The following WWOX variants were observed in gnomAD, a reference collection of about 807,000 sequenced individuals.
WWOX encodes the protein WW domain containing oxidoreductase.
WWOX carries 69 observed loss-of-function variants against 46.2 expected under a neutral mutation model. That is an observed-to-expected ratio of 1.49 (90% CI 1.23 to 1.82). WWOX has a LOEUF of 1.82. Ranked by LOEUF, WWOX falls within the 40% of genes most tolerant of loss-of-function variation. The probability of loss-of-function intolerance (pLI) is 0.00; values close to 1 mark genes in which losing one functional copy is unlikely to be tolerated. For missense variants in WWOX, 919 were observed against 542.6 expected (o/e 1.69, Z -6.89); for synonymous variants, 359 against 202.6 (o/e 1.77, Z -6.56).
chr16:79,061,471 C>G (rs539116954), intron 8 of WWOX, among the ~76,000 whole-genome samples: 8 of 152,294 alleles, frequency 5.3e-5, no homozygotes, highest in African/African-American at 1.9e-4. Context: ...GTAAAGCATT[C>G]AGATCTCTTG....
intron 8 of WWOX, among the ~76,000 whole-genome samples, chr16:79,035,024 CTT>C (rs950752057): frequency 2.0e-5 from 3 of 152,204 alleles, no homozygotes; most frequent in Non-Finnish European, 2.9e-5. Context: ...ATTGCTGACT[CTT>C]TTAACTTGTC....
chr16:78,917,137 C>G (rs950889668), intron 8 of WWOX, among the ~76,000 whole-genome samples: 5 of 152,176 alleles, frequency 3.3e-5, no homozygotes, highest in Admixed American at 2.6e-4. Context: ...GTGGCTGGGA[C>G]AACATGCCCA....
chr16:78,215,402 G>A (rs529505501), intron 5 of WWOX, among the ~76,000 whole-genome samples: 27 of 152,266 alleles, frequency 1.8e-4, no homozygotes, highest in Admixed American at 5.9e-4. Flanking sequence ...TGCTGTTCTC[G>A]TGATAGCACG....
intron 8 of WWOX, among the ~76,000 whole-genome samples, chr16:79,160,832 A>G (rs1035930776): frequency 6.6e-6 from 1 of 152,218 alleles, no homozygotes; most frequent in Non-Finnish European, 1.5e-5. Flanking sequence ...GTAGACATGT[A>G]TAGATGCATG....
At chr16:79,133,885 G>C (rs574105054) in intron 8 of WWOX, among the ~76,000 whole-genome samples, 7 of 152,328 alleles carry the variant, frequency 4.6e-5, no homozygotes, top group African/African-American at 1.4e-4. Context: ...AAATCTTGGA[G>C]GTAGATTTTT....
chr16:79,043,737 G>A (rs1426134212), intron 8 of WWOX, among the ~76,000 whole-genome samples: 1 of 152,144 alleles, frequency 6.6e-6, no homozygotes, highest in African/African-American at 2.4e-5. Context: ...ATTAATCTCT[G>A]GATCCAGGCT....
At chr16:79,124,360 C>T (rs1426726441) in intron 8 of WWOX, among the ~76,000 whole-genome samples, 2 of 150,478 alleles carry the variant, frequency 1.3e-5, no homozygotes, top group East Asian at 3.9e-4. Flanking sequence ...AAAAAAAAAT[C>T]ACTGGTTTAT....
chr16:78,425,069 G>A lies in WWOX; in HGVS notation c.791+14G>A, dbSNP rs753689854. ...AGAGTCCCATCGGTGGGTTTGAATT[G>A]CATATTTGTTCACTTATCCCCTTTC... is the stretch of plus-strand genomic sequence containing the variant. On this transcript the variant is annotated intron_variant, in intron 7 of 8. Transcript: ENST00000566780. 21 of 1,612,912 alleles carry A rather than the reference G, an allele frequency of 1.3e-5. No individual in the cohort carries two copies. The East Asian group carries it at 4.5e-4, about 34-fold the overall frequency.
intron 8 of WWOX, among the ~76,000 whole-genome samples, chr16:79,076,827 A>G (rs1298417505): frequency 1.3e-5 from 2 of 152,250 alleles, no homozygotes; most frequent in African/African-American, 4.8e-5. Context: ...AAACTGCTTA[A>G]CGCATGTGAA....
chr16:79,128,174 G>T (rs2049799234), intron 8 of WWOX, among the ~76,000 whole-genome samples: 1 of 152,128 alleles, frequency 6.6e-6, no homozygotes, highest in African/African-American at 2.4e-5. Context: ...GTTTGATGAA[G>T]ATAAAACGCC....
intron 8 of WWOX, among the ~76,000 whole-genome samples, chr16:79,092,778 A>G (rs1183799479): frequency 2.0e-5 from 3 of 152,138 alleles, no homozygotes; most frequent in Admixed American, 2.0e-4. Context: ...ACGTTGTTGA[A>G]AACATATTAT....
chr16:78,987,758 C>A (rs893099993), intron 8 of WWOX, among the ~76,000 whole-genome samples: 1 of 152,124 alleles, frequency 6.6e-6, no homozygotes. Flanking sequence ...TCTCTGTGTC[C>A]TTTTCTTCTT....
chr16:78,875,397 T>G (rs1034032477), intron 8 of WWOX, among the ~76,000 whole-genome samples: 2 of 152,144 alleles, frequency 1.3e-5, no homozygotes, highest in African/African-American at 4.8e-5. Flanking sequence ...CTAGTCCAAA[T>G]TAGTATTTCT....
intron 8 of WWOX, among the ~76,000 whole-genome samples, chr16:78,702,218 G>A (rs927565137): frequency 4.1e-5 from 6 of 148,146 alleles, no homozygotes; most frequent in East Asian, 3.9e-4. Context: ...AGCTCGAGGC[G>A]GCAGTGAGCA....
intron 8 of WWOX, among the ~76,000 whole-genome samples, chr16:79,181,357 T>C (rs2050907971): frequency 6.6e-6 from 1 of 152,224 alleles, no homozygotes; most frequent in African/African-American, 2.4e-5. Context: ...GCATTCCATT[T>C]CTTTTCAATT....
intron 8 of WWOX, among the ~76,000 whole-genome samples, chr16:79,201,323 GA>G (rs1356677114): frequency 6.7e-6 from 1 of 149,342 alleles, no homozygotes; most frequent in Non-Finnish European, 1.5e-5. Flanking sequence ...GCTGAATAGA[GA>G]GGGTTTCCTT....
At chr16:78,481,438 A>G (rs979504140) in intron 8 of WWOX, among the ~76,000 whole-genome samples, 1 of 152,122 alleles carries the variant, frequency 6.6e-6, no homozygotes, top group Admixed American at 6.6e-5. Context: ...TGGGGAAAAA[A>G]GTCATTGATT....
intron 8 of WWOX, among the ~76,000 whole-genome samples, chr16:78,918,431 T>A (rs2045302431): frequency 6.6e-6 from 1 of 152,130 alleles, no homozygotes. Context: ...TATCCCTTTA[T>A]TTTCTGGCAG....
chr16:79,136,123 C>G (rs1193685751), intron 8 of WWOX, among the ~76,000 whole-genome samples: 2 of 152,220 alleles, frequency 1.3e-5, no homozygotes, highest in South Asian at 4.1e-4. Context: ...CAAAGCTAGT[C>G]AACGTCCAAC....
Sources: allele counts gnomAD v4.1 joint callset (sites outside exome capture counted in the v4.1 genomes callset), GRCh38; gene constraint gnomAD v4.1.1; transcripts MANE v1.5; gene names NCBI Gene and HGNC (gene_info 2026-07-23, HGNC 2026-07-21).